IFT88: variants seen among roughly 807,000 people sequenced by gnomAD.
IFT88 encodes intraflagellar transport protein 88 homolog.
In IFT88, 74 loss-of-function variants were observed where a neutral mutation model predicts 119.5. That is an observed-to-expected ratio of 0.62 (90% CI 0.51 to 0.75). The LOEUF is 0.75. Among genes scored for constraint, IFT88 ranks in the 30% least tolerant of loss-of-function variants. The pLI, the probability that IFT88 is intolerant of heterozygous loss-of-function variation, is 0.00. For missense variants in IFT88, 961 were observed against 977.7 expected, an observed-to-expected ratio of 0.98 and a Z score of 0.23; for synonymous variants, 279 against 316.7, an observed-to-expected ratio of 0.88 and a Z score of 1.26.
At chr13:20,626,285 C>T (rs2047322989) in intron 15 of IFT88, among the ~76,000 whole-genome samples, 1 of 151,962 alleles carries the variant, frequency 6.6e-6, no homozygotes, top group Non-Finnish European at 1.5e-5. Flanking sequence ...TGGTCTCGAT[C>T]TCCTGACCTT....
chr13:20,597,667 C>T (rs2041931603), intron 9 of IFT88, among the ~76,000 whole-genome samples: 1 of 151,506 alleles, frequency 6.6e-6, no homozygotes, highest in Admixed American at 6.6e-5. Flanking sequence ...TGGCGTGAAC[C>T]CGGGAGGCGG....
intron 13 of IFT88, 22 bp downstream of exon 13, chr13:20,605,127 C>A (rs371018393): frequency 3.0e-6 from 3 of 1,013,220 alleles, no homozygotes; most frequent in Non-Finnish European, 4.5e-6. Context: ...AACTTAATAA[C>A]GTAGTTATTA....
At chr13:20,617,695 A>G (rs2045858789) in intron 14 of IFT88, among the ~76,000 whole-genome samples, 1 of 152,226 alleles carries the variant, frequency 6.6e-6, no homozygotes, top group African/African-American at 2.4e-5. Context: ...GCTGACCTGA[A>G]TTGGACTGAA....
chr13:20,579,846 A>G (rs912283881), intron 2 of IFT88, among the ~76,000 whole-genome samples: 1 of 152,110 alleles, frequency 6.6e-6, no homozygotes, highest in Non-Finnish European at 1.5e-5. Flanking sequence ...TTCAGGACCC[A>G]AGGGCCCTTT....
rs781730024 is a variant in IFT88, at chr13:20,596,185, T to TA, written c.437dup (p.Asn146LysfsTer2). 6.4e-7 allele frequency: 1 copy of TA among 1,560,554 alleles called. No individual in the cohort carries two copies. The highest frequency in any genetic ancestry group is 8.7e-7 in the Non-Finnish European group (1 of 1,147,114). On this transcript the variant is annotated frameshift_variant, in exon 8 of 26. Coordinates refer to ENST00000351808, the MANE Select transcript of IFT88 (RefSeq NM_006531.5). LOFTEE classifies it high-confidence loss of function. ...AAAATAAAGCAATTAGAGAAGGAAG[T>TA]AAATGAGTTGGTAGAAGAAAGCTGT...
At chr13:20,665,130 T>A (rs759026928) in intron 23 of IFT88, among the ~76,000 whole-genome samples, 9 of 151,924 alleles carry the variant, frequency 5.9e-5, no homozygotes, top group Non-Finnish European at 1.3e-4. Context: ...AGTCTAAAGA[T>A]AAAAATATAT....
At chr13:20,572,785 C>T (rs1215208005) in intron 1 of IFT88, among the ~76,000 whole-genome samples, 1 of 152,152 alleles carries the variant, frequency 6.6e-6, no homozygotes, top group Non-Finnish European at 1.5e-5. Context: ...AATCCCTAAC[C>T]CCCATCCCCA....
At chr13:20,586,875 T>C (rs1410011426) in intron 3 of IFT88, among the ~76,000 whole-genome samples, 1 of 150,568 alleles carries the variant, frequency 6.6e-6, no homozygotes, top group African/African-American at 2.4e-5. Flanking sequence ...TTTGTTTTCC[T>C]ACAGAATTAA....
At chr13:20,611,514 CAA>C (rs56062553) in intron 13 of IFT88, among the ~76,000 whole-genome samples, 230 of 59,044 alleles carry the variant, frequency 3.9e-3, no homozygotes, top group African/African-American at 7.0e-3. Flanking sequence ...GACCCAGTCT[CAA>C]AAAAAAAAAA....
At chr13:20,595,455 A>G (rs1207080065) in intron 7 of IFT88, among the ~76,000 whole-genome samples, 1 of 151,718 alleles carries the variant, frequency 6.6e-6, no homozygotes. Context: ...ACACCTGGCT[A>G]ATTTTTGTAT....
chr13:20,683,117 G>A (rs1396559821), intron 24 of IFT88, among the ~76,000 whole-genome samples: 1 of 152,170 alleles, frequency 6.6e-6, no homozygotes, highest in African/African-American at 2.4e-5. Flanking sequence ...GGGAGAAAAT[G>A]TTGGAGCTAT....
intron 2 of IFT88, among the ~76,000 whole-genome samples, chr13:20,575,104 C>A (rs1359485400): frequency 2.0e-5 from 3 of 151,712 alleles, no homozygotes; most frequent in Non-Finnish European, 4.4e-5. Flanking sequence ...TCACCCCCTC[C>A]CCTGCCACTA....
chr13:20,604,694 C>T (rs191507266), intron 12 of IFT88, among the ~76,000 whole-genome samples: 8 of 152,298 alleles, frequency 5.3e-5, no homozygotes, highest in Non-Finnish European at 4.4e-5. Context: ...ATGGCTTATG[C>T]CTATAGTCCC....
intron 22 of IFT88, among the ~76,000 whole-genome samples, chr13:20,662,664 GATA>G (rs2054009283): frequency 6.6e-6 from 1 of 152,104 alleles, no homozygotes; most frequent in Non-Finnish European, 1.5e-5. Context: ...TTTTAAATGA[GATA>G]ATAAAAATAT....
At chr13:20,619,848 A>C (rs1316726973) in intron 14 of IFT88, among the ~76,000 whole-genome samples, 2 of 152,188 alleles carry the variant, frequency 1.3e-5, no homozygotes, top group African/African-American at 2.4e-5. Context: ...CCAACAGTGC[A>C]TGAAAATTCG....
intron 14 of IFT88, among the ~76,000 whole-genome samples, chr13:20,623,497 T>C (rs914815415): frequency 6.6e-6 from 1 of 152,152 alleles, no homozygotes; most frequent in Non-Finnish European, 1.5e-5. Context: ...TGTTTTGAGA[T>C]GGAGTTTTGC....
At chr13:20,681,875 C>T (rs1269299873) in intron 24 of IFT88, among the ~76,000 whole-genome samples, 2 of 152,216 alleles carry the variant, frequency 1.3e-5, no homozygotes, top group Non-Finnish European at 2.9e-5. Flanking sequence ...GAAAACTTTA[C>T]GTTTTGAATA....
chr13:20,663,368 CA>C, intron 22 of IFT88, 129 bp from the exon 23 acceptor site: 2 of 1,530,336 alleles, frequency 1.3e-6, no homozygotes, highest in Middle Eastern at 1.7e-4. Flanking sequence ...AATTATTTTT[CA>C]GGAGAAAAAT....
intron 5 of IFT88, 135 bp from the exon 6 acceptor site, chr13:20,591,483 G>A (rs1308803056): frequency 1.1e-5 from 6 of 541,914 alleles, no homozygotes; most frequent in African/African-American, 6.0e-5. Context: ...GGAGGTAGAA[G>A]TAAGGAGTAA....
Sources: gnomAD v4.1 joint callset for allele counts (sites outside exome capture counted in the v4.1 genomes callset) on GRCh38, gnomAD v4.1.1 for gene constraint, MANE v1.5 for transcripts, NCBI Gene and HGNC (gene_info 2026-07-23, HGNC 2026-07-21) for gene names.